The following ATP7B variants were observed in gnomAD, a reference collection of about 807,000 sequenced individuals.
ATP7B encodes ATPase copper transporting beta, also known as copper-transporting ATPase 2.
A neutral mutation model predicts 118.9 loss-of-function variants in ATP7B; 113 were observed. The observed-to-expected ratio is 0.95, with a 90% CI of 0.82 to 1.11. The LOEUF (loss-of-function observed/expected upper bound fraction) is 1.11. Among genes scored for constraint, ATP7B ranks in the 50% most tolerant of loss-of-function variants. The probability of loss-of-function intolerance (pLI) is 0.00; values close to 1 mark genes in which losing one functional copy is unlikely to be tolerated. For synonymous variants in ATP7B, 777 were observed against 727.4 expected (o/e 1.07, Z -1.10); for missense variants, 1,867 against 1,871.4 (o/e 1.00, Z 0.04).
rs532441558 is a variant in ATP7B, at chr13:51,974,162, T to C, written c.1058A>G (p.Gln353Arg). ...AGTGGTACTGCATGTGCCCTGGACC[T>C]GGTTTCTCGGTGGGGAGCCAGGGGA... The part of the protein sequence containing the change: ...SHSPGSPPRN[Q>R]VQGTCSTTLI... The change falls in exon 2 of 21, where the codon CAG (glutamine) becomes CGG (arginine). Residue 353 changes from glutamine (Q) to arginine (R), a missense_variant. By Grantham distance (43) the Gln-to-Arg change is conservative (BLOSUM62 1). Transcript: ENST00000242839. 3 of 1,613,980 alleles carry C rather than the reference T, an allele frequency of 1.9e-6. No individual in the cohort carries two copies. Among genetic ancestry groups the C allele is most frequent in the African/African-American group, 2.7e-5 (2 of 74,974 alleles).
chr13:51,962,222 T>C (rs924362966), intron 5 of ATP7B, among the ~76,000 whole-genome samples: 2 of 152,166 alleles, frequency 1.3e-5, no homozygotes, highest in African/African-American at 4.8e-5. Flanking sequence ...CTTCATTCCA[T>C]GTATGAGGAA....
intron 17 of ATP7B, among the ~76,000 whole-genome samples, chr13:51,938,388 G>A (rs971258110): frequency 2.0e-5 from 3 of 152,222 alleles, no homozygotes; most frequent in Non-Finnish European, 4.4e-5. Flanking sequence ...CTTCGTAAGT[G>A]CCTGCTGAAT....
intron 1 of ATP7B, among the ~76,000 whole-genome samples, chr13:52,000,575 G>A (rs567278321): frequency 2.6e-5 from 4 of 152,140 alleles, no homozygotes; most frequent in Non-Finnish European, 2.9e-5. Flanking sequence ...CCATCTCCTC[G>A]GTGTTTCATA....
chr13:51,976,069 C>T (rs1301457149), intron 1 of ATP7B, among the ~76,000 whole-genome samples: 1 of 152,228 alleles, frequency 6.6e-6, no homozygotes, highest in Non-Finnish European at 1.5e-5. Flanking sequence ...GATGTAGTCT[C>T]AGTCATTCTA....
intron 7 of ATP7B, 107 bp downstream of exon 7, chr13:51,960,041 T>C (rs1958626628): frequency 1.3e-5 from 19 of 1,409,720 alleles, no homozygotes; most frequent in Non-Finnish European, 1.8e-5. Flanking sequence ...TGCAATAAAG[T>C]GCCATTTAAA....
chr13:51,995,400 T>C lies in ATP7B; in HGVS notation c.51+15887A>G, dbSNP rs562120293. On this transcript the variant is annotated intron_variant, in intron 1 of 20. Coordinates refer to ENST00000242839, the MANE Select transcript of ATP7B (RefSeq NM_000053.4). ...GACGGTGGAGTGCCTTCCTCCACAGTAGACACTGGCCTGGCTGAATGCCTA... is the reference window on the plus strand; with the variant it reads ...GACGGTGGAGTGCCTTCCTCCACAGCAGACACTGGCCTGGCTGAATGCCTA... 22 of 939,156 alleles carry C rather than the reference T, an allele frequency of 2.3e-5. No homozygotes were observed. The African/African-American group carries it at 3.9e-4, about 17-fold the overall frequency. The allele number at this position is 939,156 out of a possible 1,614,324, so 58.2% of individuals were successfully genotyped here.
intron 1 of ATP7B, among the ~76,000 whole-genome samples, chr13:52,008,719 T>C (rs1953891521): frequency 6.6e-6 from 1 of 152,164 alleles, no homozygotes; most frequent in Non-Finnish European, 1.5e-5. Context: ...CACTTTATGG[T>C]TTCTCAACCT....
chr13:51,934,783 A>G lies in ATP7B; in HGVS notation c.4371T>C (p.Asn1457=), dbSNP rs1237211954. The G allele has an allele frequency of 6.2e-7, 1 of 1,614,034 alleles. No homozygotes were observed. Among genetic ancestry groups the G allele is most frequent in the Non-Finnish European group, 8.5e-7 (1 of 1,180,038 alleles). ...AGATGTACTGCTCCTCATCCCTGCC[A>G]TTCAGGAGCAGAGACCACTTGTCCC... ...DDGDKWSLLL[N]GRDEEQYI is the part of the protein sequence containing the mutation. The change falls in exon 21 of 21, where the codon AAT becomes AAC. Residue 1457 remains asparagine (N), a synonymous_variant. Coordinates refer to ENST00000242839, the MANE Select transcript of ATP7B (RefSeq NM_000053.4).
At chr13:52,011,495 C>T, upstream of ATP7B, 1 of 844,642 alleles carries the variant, frequency 1.2e-6, no homozygotes, top group Non-Finnish European at 1.9e-6. Flanking sequence ...GGTCCGGGAA[C>T]CGCCCCTTCA....
chr13:51,971,122 G>A (rs1038301437), intron 2 of ATP7B, among the ~76,000 whole-genome samples: 4 of 152,178 alleles, frequency 2.6e-5, no homozygotes, highest in Non-Finnish European at 4.4e-5. Context: ...CACGCTGGCC[G>A]CAAGGCTGTC....
Position 51,937,532 on chromosome 13 carries a change from C to T in ATP7B, c.3847G>A (p.Ala1283Thr), listed in dbSNP as rs1957042796. The T allele has an allele frequency of 6.2e-7, 1 of 1,614,224 alleles. No homozygotes were observed. Among genetic ancestry groups the T allele is most frequent in the Non-Finnish European group, 8.5e-7 (1 of 1,180,044 alleles). ...GCCACATCCGTGCCGGTGCCAATGG[C>T]CACACCCATGTCTGCCTGGGCCAAG... ...PALAQADMGV[A>T]IGTGTDVAIE... Residue 1283 changes from alanine to threonine, a missense_variant, in exon 18 of 21, where the codon GCC becomes ACC. By Grantham distance (58) the Ala-to-Thr change is moderately conservative (BLOSUM62 0). Transcript: ENST00000242839.
chr13:52,005,340 T>C (rs945344903), intron 1 of ATP7B, among the ~76,000 whole-genome samples: 3 of 152,252 alleles, frequency 2.0e-5, no homozygotes, highest in Admixed American at 1.3e-4. Context: ...CCCTGCACAC[T>C]CTGCTTAGAT....
At position 51,934,847 on chromosome 13, in the gene ATP7B, T is replaced by C; in HGVS notation, c.4307A>G (p.Asp1436Gly). The change falls in exon 21 of 21, where the codon GAC becomes GGC. Residue 1436 changes from aspartate (D) to glycine (G), a missense_variant. Transcript: ENST00000242839. Reference protein sequence around the residue: ...SQVSLSSLTSDKPSRHSAAAD... With the variant: ...SQVSLSSLTSGKPSRHSAAAD... ...TGCAGCGCTGTGCCGAGATGGCTTG[T>C]CGGACGTCAGGGAGGACAGCGACAC... 6.2e-7 allele frequency: 1 copy of C among 1,614,210 alleles called. No homozygotes were observed. The highest frequency in any genetic ancestry group is 8.5e-7 in the Non-Finnish European group (1 of 1,180,046).
Position 51,975,106 on chromosome 13 carries a change from A to C in ATP7B, c.114T>G (p.Ala38=). ...CACCTTCATAGCCAACATTGTCAAA[A>C]GCAAAACTCTTCTTCATTGCTGGTT... ...AWEPAMKKSF[A]FDNVGYEGGL... The change falls in exon 2 of 21, where the codon GCT becomes GCG. Residue 38 remains alanine, a synonymous_variant. Coordinates refer to ENST00000242839, the MANE Select transcript of ATP7B (RefSeq NM_000053.4). The C allele has an allele frequency of 6.2e-7, 1 of 1,614,276 alleles. No individual in the cohort carries two copies. The highest frequency in any genetic ancestry group is 8.5e-7 in the Non-Finnish European group (1 of 1,180,050).
rs373455989 is a variant in ATP7B at position 51,941,257 on chromosome 13, G to C, written c.3413-33C>G. 1.9e-6 allele frequency: 3 copies of C among 1,612,416 alleles called. No individual in the cohort carries two copies. In the African/African-American group the frequency reaches 4.0e-5, roughly 22 times the overall value. On this transcript the variant is annotated intron_variant, in intron 15 of 20. Transcript: ENST00000242839. ...AAAGAGGCTGTGGTTATTTCTAAAT[G>C]GTCCAATTTCACTGTGAACTAAAAA... is the stretch of plus-strand genomic sequence containing the variant.
chr13:51,939,646 C>A (rs1284733838), intron 16 of ATP7B, among the ~76,000 whole-genome samples: 1 of 114,570 alleles, frequency 8.7e-6, no homozygotes, highest in Non-Finnish European at 2.0e-5. Flanking sequence ...GGCAGAATTT[C>A]TCTTTGAGTG....
At chr13:52,001,719 T>C (rs916431409) in intron 1 of ATP7B, among the ~76,000 whole-genome samples, 2 of 152,168 alleles carry the variant, frequency 1.3e-5, no homozygotes, top group Admixed American at 6.5e-5. Flanking sequence ...AATGCAATAA[T>C]ACATCTTTTA....
intron 4 of ATP7B, among the ~76,000 whole-genome samples, chr13:51,967,308 GATTA>G (rs1951607478): frequency 6.6e-6 from 1 of 151,744 alleles, no homozygotes; most frequent in South Asian, 2.1e-4. Flanking sequence ...AAGTGTGTTG[GATTA>G]ATTAGGATTA....
At chr13:51,980,735 G>A (rs982373988) in intron 1 of ATP7B, among the ~76,000 whole-genome samples, 2 of 152,206 alleles carry the variant, frequency 1.3e-5, no homozygotes, top group African/African-American at 4.8e-5. Flanking sequence ...GAGGTCTCTT[G>A]ATCACTCTTG....
Sources: allele counts gnomAD v4.1 joint callset (sites outside exome capture counted in the v4.1 genomes callset), GRCh38; gene constraint gnomAD v4.1.1; transcripts MANE v1.5; gene names NCBI Gene and HGNC (gene_info 2026-07-23, HGNC 2026-07-21).